NPEPL1: variants seen among roughly 807,000 people sequenced by gnomAD.
NPEPL1 encodes probable aminopeptidase NPEPL1.
Under a neutral mutation model 52.4 loss-of-function variants are expected in NPEPL1, and 45 were observed. The ratio of observed to expected loss-of-function variants is 0.86; its 90% CI spans 0.68 to 1.10. The LOEUF is 1.10. Ranked by LOEUF, NPEPL1 falls within the 50% of genes least tolerant of loss-of-function variation. The pLI is 0.00. For synonymous variants in NPEPL1, 360 were observed against 314.7 expected, an observed-to-expected ratio of 1.14 and a Z score of -1.52; for missense variants, 696 against 710.9, an observed-to-expected ratio of 0.98 and a Z score of 0.24.
intron 8 of NPEPL1, chr20:58,712,949 C>G (rs775246381): frequency 1.0e-5 from 4 of 381,978 alleles, no homozygotes; most frequent in Non-Finnish European, 2.0e-5. Flanking sequence ...TGAGATTGAC[C>G]CTGGAAAGTC....
In NPEPL1 at chr20:58,715,331, C is replaced by T. The variant is rs772147340; in HGVS notation, c.*5C>T. 4 of 1,596,152 alleles carry T rather than the reference C, an allele frequency of 2.5e-6. No homozygotes were observed. The African/African-American group carries it at 5.4e-5, about 21-fold the overall frequency. ...AAGAGACGCAGGCTTGTGTGAGCCTCCTGCCTCGGCCCTGACAAACGGGGA... is the reference window on the plus strand; with the variant it reads ...AAGAGACGCAGGCTTGTGTGAGCCTTCTGCCTCGGCCCTGACAAACGGGGA... On this transcript the variant is annotated 3_prime_UTR_variant, in exon 12 of 12. Transcript: ENST00000356091.
chr20:58,693,182 C>A, intron 1 of NPEPL1, 132 bp downstream of exon 1: 1 of 603,244 alleles, frequency 1.7e-6, no homozygotes, highest in Non-Finnish European at 2.1e-6. Flanking sequence ...GGCCGCCTCC[C>A]TGAAGGGCTC....
At chr20:58,705,895 G>T (rs987870882) in intron 6 of NPEPL1, among the ~76,000 whole-genome samples, 1 of 152,170 alleles carries the variant, frequency 6.6e-6, no homozygotes, top group Non-Finnish European at 1.5e-5. Flanking sequence ...GCTCAGAAGA[G>T]ATGGCTTATT....
chr20:58,699,670 T>A (rs1434364263), intron 5 of NPEPL1, among the ~76,000 whole-genome samples: 1 of 152,200 alleles, frequency 6.6e-6, no homozygotes, highest in Admixed American at 6.5e-5. Flanking sequence ...TCTGGAATAC[T>A]TTCCCCCAAG....
intron 3 of NPEPL1, 93 bp downstream of exon 3, chr20:58,694,685 G>A: frequency 7.6e-7 from 1 of 1,317,518 alleles, no homozygotes; most frequent in Admixed American, 2.9e-5. Context: ...TTGTTGCGGG[G>A]GCAGGAGGGG....
At chr20:58,707,083 A>T in intron 6 of NPEPL1, 40 bp from the exon 7 acceptor site, 1 of 1,542,502 alleles carries the variant, frequency 6.5e-7, no homozygotes, top group Non-Finnish European at 8.8e-7. Flanking sequence ...CCTGGACCTC[A>T]CAGCTCACCT....
rs541619356 is a variant in NPEPL1 at position 58,703,855 on chromosome 20, G to C, written c.822+2697G>C. On this transcript the variant is annotated intron_variant, in intron 6 of 11. Coordinates refer to ENST00000356091, the MANE Select transcript of NPEPL1 (RefSeq NM_024663.4). ...GCCAGAGAGTAGGGCATTTTCCATG[G>C]CTCCAGATCACCTTCTGAAAATGCG... The C allele has an allele frequency of 1.3e-4, 124 of 984,986 alleles. No individual in the cohort carries two copies. The Middle Eastern group carries it at 1.6e-3, about 12-fold the overall frequency. The allele number at this position is 984,986 out of a possible 1,614,324, so 61.0% of individuals were successfully genotyped here. A position where few individuals can be genotyped will look rare whatever the true frequency, so the allele number is the denominator to read the frequency against.
intron 8 of NPEPL1, chr20:58,712,848 G>A (rs1273179081): frequency 3.8e-6 from 2 of 532,394 alleles, no homozygotes; most frequent in East Asian, 7.4e-5. Context: ...ACCAGGACAG[G>A]TCTTTCCAAA....
chr20:58,709,691 C>G (rs1459605321), intron 7 of NPEPL1, among the ~76,000 whole-genome samples: 3 of 152,230 alleles, frequency 2.0e-5, no homozygotes, highest in Non-Finnish European at 4.4e-5. Context: ...AGGCAGTGTA[C>G]AGGGAAGGAC....
In NPEPL1 at chr20:58,694,534, C is replaced by T; in HGVS notation, c.449C>T (p.Thr150Ile). Residue 150 changes from threonine to isoleucine, a missense_variant, in exon 3 of 12, where the codon ACC (threonine) becomes ATC (isoleucine). Physicochemically the swap from Thr to Ile is moderately conservative, Grantham distance 89. Transcript: ENST00000356091. ...CGGCGCTTGGAGAAGAAGACGGTCA[C>T]CGTGGAGTTTTTCCTGGTGGGACAA... ...ASRRLEKKTV[T>I]VEFFLVGQDN... 6.2e-7 allele frequency: 1 copy of T among 1,613,998 alleles called. No homozygotes were observed. The highest frequency in any genetic ancestry group is 8.5e-7 in the Non-Finnish European group (1 of 1,179,880).
upstream of NPEPL1, chr20:58,691,732 T>C (rs927223459): frequency 9.4e-7 from 1 of 1,064,110 alleles, no homozygotes; most frequent in African/African-American, 1.7e-5. Context: ...AGGCTGGTTA[T>C]GAAGAAGAAA....
intron 7 of NPEPL1, chr20:58,710,786 T>G (rs952081243): frequency 6.6e-6 from 1 of 152,430 alleles, no homozygotes; most frequent in Non-Finnish European, 1.5e-5. Context: ...ACCTCCAGAC[T>G]GGCCGTGAGG....
chr20:58,691,892 C>G, upstream of NPEPL1: 1 of 1,036,354 alleles, frequency 9.6e-7, no homozygotes, highest in Non-Finnish European at 1.5e-6. Context: ...TCGTCATTCC[C>G]TGACCCTTGC....
At chr20:58,707,227 A>G (rs1469625938) in intron 7 of NPEPL1, 27 bp downstream of exon 7, 1 of 1,537,408 alleles carries the variant, frequency 6.5e-7, no homozygotes, top group Non-Finnish European at 8.8e-7. Context: ...CGCCCTCTGC[A>G]GGGGCATCCT....
At chr20:58,700,146 T>G (rs747702098) in intron 5 of NPEPL1, among the ~76,000 whole-genome samples, 15 of 152,234 alleles carry the variant, frequency 9.9e-5, no homozygotes, top group South Asian at 4.1e-4. Context: ...GAGCGAGAGA[T>G]AGGGATAAAG....
Position 58,707,180 on chromosome 20 carries a change from T to C in NPEPL1, c.880T>C (p.Phe294Leu). The change falls in exon 7 of 12, where the codon TTC becomes CTC. Residue 294 changes from phenylalanine to leucine, a missense_variant. Phe to Leu is a conservative substitution (Grantham distance 22, BLOSUM62 0). Coordinates refer to ENST00000356091, the MANE Select transcript of NPEPL1 (RefSeq NM_024663.4). ...GGGTGCTGCGGCCGTCCTGGGGGCC[T>C]TCAGAGCCGCAATCAAGCAGGTGAG... ...CGGAAAVLGA[F>L]RAAIKQGFKD... 1.3e-6 allele frequency: 2 copies of C among 1,551,960 alleles called. No homozygotes were observed. The highest frequency in any genetic ancestry group is 2.4e-5 in the East Asian group (1 of 41,194).
At chr20:58,712,614 G>C (rs1448954120) in intron 8 of NPEPL1, 35 bp downstream of exon 8, 3 of 1,477,752 alleles carry the variant, frequency 2.0e-6, no homozygotes, top group Non-Finnish European at 2.8e-6. Flanking sequence ...CCTGCCCACT[G>C]TTGGAACTCG....
intron 7 of NPEPL1, chr20:58,711,106 C>CCCCCTCCTCCT (rs2084830662): frequency 1.0e-5 from 1 of 98,276 alleles, no homozygotes; most frequent in Non-Finnish European, 1.9e-5. Context: ...TCCTCCTCCT[C>CCCCCTCCTCCT]CCCCCCTCCT....
upstream of NPEPL1, chr20:58,691,312 T>G (rs1267298186): frequency 6.2e-6 from 4 of 642,330 alleles, no homozygotes; most frequent in African/African-American, 1.8e-5. Flanking sequence ...CGTTGACTTT[T>G]ATGTCGGGAA....
Sources: gnomAD v4.1 joint callset for allele counts (sites outside exome capture counted in the v4.1 genomes callset) on GRCh38, gnomAD v4.1.1 for gene constraint, MANE v1.5 for transcripts, NCBI Gene and HGNC (gene_info 2026-07-23, HGNC 2026-07-21) for gene names.